Variants in MERTK observed in about 807,000 individuals in gnomAD.
The protein encoded by MERTK is tyrosine-protein kinase Mer.
Under a neutral mutation model 99.3 loss-of-function variants are expected in MERTK, and 69 were observed. The observed-to-expected ratio is 0.70, with a 90% CI of 0.57 to 0.85. The LOEUF is 0.85. MERTK is among the 40% of genes least tolerant of loss of function. The probability of loss-of-function intolerance (pLI) is 0.00; values close to 1 mark genes in which losing one functional copy is unlikely to be tolerated. For missense variants in MERTK, 1,125 were observed against 1,249.4 expected (o/e 0.90, Z 1.50); for synonymous variants, 426 against 467.6 (o/e 0.91, Z 1.15).
At chr2:111,932,754 A>G (rs1456777314) in intron 2 of MERTK, among the ~76,000 whole-genome samples, 3 of 152,150 alleles carry the variant, frequency 2.0e-5, no homozygotes, top group African/African-American at 7.2e-5. Context: ...CTAAGAGTAT[A>G]TATTAGTTTC....
chr2:111,947,297 ATCTATTGCC>A, intron 3 of MERTK, 88 bp from the exon 4 acceptor site: 2 of 1,222,124 alleles, frequency 1.6e-6, no homozygotes, highest in South Asian at 2.4e-5. Context: ...AAAAAAAGAA[ATCTATTGCC>A]AAGTTCTAGT....
At chr2:111,901,452 C>G (rs112557975) in intron 1 of MERTK, among the ~76,000 whole-genome samples, 272 of 151,934 alleles carry the variant, frequency 1.8e-3, no homozygotes, top group African/African-American at 6.3e-3. Context: ...CCAAAGGCTT[C>G]AAATGCTTTT....
rs762547386 is a variant in MERTK at position 112,028,435 on chromosome 2, C to G, written c.2571C>G (p.Leu857=). The part of the protein sequence containing the change: ...FSVLRLQLEK[L]LESLPDVRNQ... ...TATTGAGGCTGCAGCTAGAAAAACT[C>G]TTAGAAAGTTTGCCTGACGTTCGGA... The change falls in exon 19 of 19, where the codon CTC becomes CTG. Residue 857 remains leucine, a synonymous_variant. Coordinates refer to ENST00000295408, the MANE Select transcript of MERTK (RefSeq NM_006343.3). The G allele has an allele frequency of 1.1e-5, 18 of 1,614,064 alleles. No individual in the cohort carries two copies. Among genetic ancestry groups the G allele is most frequent in the Non-Finnish European group, 1.4e-5 (17 of 1,180,048 alleles).
intron 1 of MERTK, among the ~76,000 whole-genome samples, chr2:111,906,949 C>G (rs1684147985): frequency 6.6e-6 from 1 of 152,082 alleles, no homozygotes; most frequent in South Asian, 2.1e-4. Context: ...GGGCAGAACA[C>G]TGATTCCATC....
At chr2:111,951,228 T>G (rs1196817127) in intron 4 of MERTK, among the ~76,000 whole-genome samples, 1 of 151,950 alleles carries the variant, frequency 6.6e-6, no homozygotes, top group African/African-American at 2.4e-5. Flanking sequence ...CAGTATACTG[T>G]GCAATTTTGT....
chr2:112,019,342 C>T (rs199893275), intron 15 of MERTK, 71 bp from the exon 16 acceptor site: 35 of 1,107,656 alleles, frequency 3.2e-5, no homozygotes, highest in East Asian at 1.2e-4. Context: ...CCTTTCCCCC[C>T]CCGGCAGAAA....
intron 4 of MERTK, among the ~76,000 whole-genome samples, chr2:111,964,068 A>G (rs1311212436): frequency 2.7e-5 from 1 of 36,544 alleles, no homozygotes; most frequent in East Asian, 3.2e-4. Flanking sequence ...TCTTTCCATA[A>G]TGTACTTGTT....
At chr2:111,976,849 G>T (rs1415123101) in intron 7 of MERTK, among the ~76,000 whole-genome samples, 1 of 149,992 alleles carries the variant, frequency 6.7e-6, no homozygotes, top group Non-Finnish European at 1.5e-5. Flanking sequence ...CTCTTTTTCT[G>T]TTCTTTTAGT....
chr2:112,001,040 A>G (rs1676858152), intron 10 of MERTK, among the ~76,000 whole-genome samples, 161 bp from the exon 11 acceptor site: 1 of 152,206 alleles, frequency 6.6e-6, no homozygotes, highest in Admixed American at 6.5e-5. Flanking sequence ...AAGTAAGTCT[A>G]AAATAAATCA....
chr2:112,028,288 C>T, intron 18 of MERTK, 63 bp from the exon 19 acceptor site: 1 of 1,499,362 alleles, frequency 6.7e-7, no homozygotes. Context: ...AAAACAAAGG[C>T]ATGGATTGCA....
chr2:111,929,480 A>G lies in MERTK; in HGVS notation c.422A>G (p.His141Arg). The change falls in exon 2 of 19, where the codon CAT (histidine) becomes CGT (arginine). Residue 141 changes from histidine (H) to arginine (R), a missense_variant. Transcript: ENST00000295408. ...WKDGKELLGA[H>R]HAITQFYPDD... Reference sequence around the variant, plus strand: ...GATGGGAAGGAATTGCTTGGGGCACATCATGCAATTACACAGTTTTATCCA... The same window carrying G: ...GATGGGAAGGAATTGCTTGGGGCACGTCATGCAATTACACAGTTTTATCCA... 5 of 1,614,184 alleles carry G rather than the reference A, an allele frequency of 3.1e-6. No homozygotes were observed. The highest frequency in any genetic ancestry group is 4.2e-6 in the Non-Finnish European group (5 of 1,180,010).
intron 15 of MERTK, among the ~76,000 whole-genome samples, chr2:112,016,686 T>C (rs1323072826): frequency 2.6e-5 from 4 of 152,128 alleles, no homozygotes; most frequent in Admixed American, 2.0e-4. Context: ...TGGAGATCGA[T>C]AGTACAAAGG....
chr2:111,974,907 C>T (rs1471062265), intron 6 of MERTK, among the ~76,000 whole-genome samples: 3 of 151,862 alleles, frequency 2.0e-5, no homozygotes, highest in Non-Finnish European at 4.4e-5. Context: ...TTTGCCAGCA[C>T]ATATTATATC....
chr2:111,925,349 T>C (rs1684543512), intron 1 of MERTK, among the ~76,000 whole-genome samples: 1 of 124,502 alleles, frequency 8.0e-6, no homozygotes, highest in African/African-American at 3.0e-5. Context: ...TTGCCCAGGC[T>C]GGAGTGCAAT....
chr2:111,954,799 T>C (rs1342007467), intron 4 of MERTK, among the ~76,000 whole-genome samples: 1 of 152,200 alleles, frequency 6.6e-6, no homozygotes, highest in Non-Finnish European at 1.5e-5. Flanking sequence ...GGCTGCTGAC[T>C]GTGGGGATTG....
intron 4 of MERTK, among the ~76,000 whole-genome samples, chr2:111,951,548 T>TATATATATATATATATATATATATATAC (rs1491494901): frequency 8.4e-6 from 1 of 118,910 alleles, no homozygotes; most frequent in Non-Finnish European, 1.8e-5. Flanking sequence ...TATATATATA[T>TATATATATATATATATATATATATATAC]ACCATAATTT....
intron 1 of MERTK, among the ~76,000 whole-genome samples, chr2:111,927,506 C>G (rs1267410799): frequency 3.3e-5 from 5 of 152,048 alleles, no homozygotes; most frequent in Non-Finnish European, 5.9e-5. Flanking sequence ...TCCCTCCCTA[C>G]AAGAAAAAAT....
At chr2:112,027,306 G>GTA (rs1336515872) in intron 18 of MERTK, among the ~76,000 whole-genome samples, 9 of 147,548 alleles carry the variant, frequency 6.1e-5, no homozygotes, top group African/African-American at 2.0e-4. Flanking sequence ...ATGTGTGTGT[G>GTA]TGTGTATATA....
chr2:111,945,085 T>C (rs756518200), intron 3 of MERTK, 25 bp downstream of exon 3: 5 of 1,563,900 alleles, frequency 3.2e-6, no homozygotes, highest in East Asian at 2.2e-5. Context: ...CAGAGTCCCA[T>C]TGCCAGAGAA....
Sources: allele counts gnomAD v4.1 joint callset (sites outside exome capture counted in the v4.1 genomes callset), GRCh38; gene constraint gnomAD v4.1.1; transcripts MANE v1.5; gene names NCBI Gene and HGNC (gene_info 2026-07-23, HGNC 2026-07-21).